CLCN3: variants seen among roughly 807,000 people sequenced by gnomAD.
CLCN3 encodes H(+)/Cl(-) exchange transporter 3.
CLCN3 carries 16 observed loss-of-function variants against 83.4 expected under a neutral mutation model. That is an observed-to-expected ratio of 0.19 (90% CI 0.13 to 0.29). CLCN3 has a LOEUF of 0.29. CLCN3 is among the 10% of genes least tolerant of loss of function. CLCN3 has a pLI of 1.00. For missense variants in CLCN3, 544 were observed against 1,006.0 expected (o/e 0.54, Z 6.21); for synonymous variants, 322 against 346.2 (o/e 0.93, Z 0.78).
At chr4:169,679,782 C>G (rs113871855) in intron 2 of CLCN3, among the ~76,000 whole-genome samples, 6 of 152,010 alleles carry the variant, frequency 3.9e-5, no homozygotes, top group African/African-American at 1.2e-4. Context: ...CCCAGGCACT[C>G]GGCAGGCTGA....
intron 4 of CLCN3, among the ~76,000 whole-genome samples, chr4:169,688,092 T>A (rs1183501227): frequency 6.6e-6 from 1 of 152,244 alleles, no homozygotes; most frequent in East Asian, 1.9e-4. Context: ...TTCCTATGTG[T>A]TGTACACTGT....
intron 2 of CLCN3, among the ~76,000 whole-genome samples, chr4:169,652,608 G>C (rs1436374505): frequency 2.0e-5 from 3 of 152,180 alleles, no homozygotes; most frequent in Non-Finnish European, 4.4e-5. Context: ...TATTATGCAT[G>C]TACTTGTGTG....
chr4:169,622,687 A>G (rs1773138309), intron 1 of CLCN3, among the ~76,000 whole-genome samples: 1 of 152,224 alleles, frequency 6.6e-6, no homozygotes, highest in Non-Finnish European at 1.5e-5. Context: ...TTACATTCGT[A>G]GAAACTGAGG....
At chr4:169,677,924 C>T (rs1731743259) in intron 2 of CLCN3, among the ~76,000 whole-genome samples, 1 of 152,138 alleles carries the variant, frequency 6.6e-6, no homozygotes, top group African/African-American at 2.4e-5. Flanking sequence ...TAATGTCCTT[C>T]CTGATACATT....
chr4:169,722,155 T>C lies in CLCN3; in HGVS notation c.*2158T>C, dbSNP rs1369121730. On this transcript the variant is annotated 3_prime_UTR_variant, in exon 13 of 13. Coordinates refer to ENST00000513761, the MANE Select transcript of CLCN3 (RefSeq NM_001829.4). The stretch of plus-strand genomic sequence containing the variant: ...TTCTGAAACACAACTGGCAATGAGC[T>C]GTTTTTACATTTTGAAAGTGATTCT... 1 of 152,236 alleles carries C rather than the reference T, an allele frequency of 6.6e-6. No individual in the cohort carries two copies. The highest frequency in any genetic ancestry group is 1.5e-5 in the Non-Finnish European group (1 of 68,042). The allele number at this position is 152,236 out of a possible 1,614,324, so 9.4% of individuals were successfully genotyped here.
intron 2 of CLCN3, among the ~76,000 whole-genome samples, chr4:169,655,721 G>A (rs1730862986): frequency 6.6e-6 from 1 of 152,072 alleles, no homozygotes; most frequent in South Asian, 2.1e-4. Context: ...ACCCAGTCTG[G>A]TCTTGAACTC....
At chr4:169,678,453 G>A (rs1369013763) in intron 2 of CLCN3, among the ~76,000 whole-genome samples, 3 of 151,826 alleles carry the variant, frequency 2.0e-5, no homozygotes, top group Non-Finnish European at 4.4e-5. Flanking sequence ...TCACTCTTGG[G>A]TGTTTCTCGG....
intron 2 of CLCN3, among the ~76,000 whole-genome samples, chr4:169,677,430 T>C (rs1249478886): frequency 1.3e-5 from 2 of 152,202 alleles, no homozygotes; most frequent in Admixed American, 6.5e-5. Context: ...CAGAATTGAG[T>C]TGTTGCAACT....
At chr4:169,676,939 TTATTTCA>T (rs997559044) in intron 2 of CLCN3, among the ~76,000 whole-genome samples, 35 of 152,076 alleles carry the variant, frequency 2.3e-4, no homozygotes, top group African/African-American at 8.0e-4. Context: ...ATAGCCTAAT[TTATTTCA>T]TATTACAATT....
chr4:169,688,990 G>T, intron 4 of CLCN3, 53 bp from the exon 5 acceptor site: 1 of 1,541,968 alleles, frequency 6.5e-7, no homozygotes, highest in South Asian at 1.2e-5. Context: ...GATTGTTCTC[G>T]ACTCCCAAAA....
At chr4:169,656,448 A>C (rs999517440) in intron 2 of CLCN3, among the ~76,000 whole-genome samples, 2 of 152,162 alleles carry the variant, frequency 1.3e-5, no homozygotes, top group Non-Finnish European at 2.9e-5. Context: ...CACCAAGTGG[A>C]TGGTGCTAAA....
intron 2 of CLCN3, among the ~76,000 whole-genome samples, chr4:169,664,333 G>A (rs539707556): frequency 6.6e-6 from 1 of 152,212 alleles, no homozygotes; most frequent in South Asian, 2.1e-4. Flanking sequence ...TCTAAATAAA[G>A]CTTTTTTGGG....
chr4:169,691,747 A>G (rs1332380861), intron 6 of CLCN3, among the ~76,000 whole-genome samples: 1 of 152,208 alleles, frequency 6.6e-6, no homozygotes. Context: ...CATAATGTCC[A>G]AAATATATTT....
At chr4:169,628,132 C>T (rs1773279747) in intron 1 of CLCN3, among the ~76,000 whole-genome samples, 1 of 152,160 alleles carries the variant, frequency 6.6e-6, no homozygotes, top group South Asian at 2.1e-4. Flanking sequence ...GAACCTCAAC[C>T]TATGTCTCAT....
chr4:169,622,236 C>G (rs1426447056), intron 1 of CLCN3, among the ~76,000 whole-genome samples: 1 of 152,212 alleles, frequency 6.6e-6, no homozygotes, highest in African/African-American at 2.4e-5. Flanking sequence ...ATCAGTCATA[C>G]ATAGCTCATT....
At chr4:169,647,122 A>G (rs1327362109) in intron 2 of CLCN3, among the ~76,000 whole-genome samples, 4 of 152,186 alleles carry the variant, frequency 2.6e-5, no homozygotes. Flanking sequence ...GTGGTGGCTC[A>G]TGCCTGTAAT....
intron 9 of CLCN3, among the ~76,000 whole-genome samples, chr4:169,699,749 G>A (rs1732703794): frequency 6.6e-6 from 1 of 152,186 alleles, no homozygotes; most frequent in South Asian, 2.1e-4. Context: ...AGGCGTGGTG[G>A]CAGGTGTCTG....
At chr4:169,621,171 A>G (rs1773103496) in intron 1 of CLCN3, 108 bp downstream of exon 1, 1 of 356,678 alleles carries the variant, frequency 2.8e-6, no homozygotes, top group Non-Finnish European at 5.0e-6. Flanking sequence ...ATGTACCTAC[A>G]TAATGTTGAA....
At chr4:169,705,800 A>G (rs556189725) in intron 10 of CLCN3, among the ~76,000 whole-genome samples, 1 of 152,280 alleles carries the variant, frequency 6.6e-6, no homozygotes, top group African/African-American at 2.4e-5. Flanking sequence ...CTTAGGAAAG[A>G]TTAACAAGGG....
Sources: allele counts gnomAD v4.1 joint callset (sites outside exome capture counted in the v4.1 genomes callset), GRCh38; gene constraint gnomAD v4.1.1; transcripts MANE v1.5; gene names NCBI Gene and HGNC (gene_info 2026-07-23, HGNC 2026-07-21).